Variants in ANXA4 observed in about 807,000 individuals in gnomAD.
ANXA4 encodes 35-beta calcimedin.
In ANXA4, 39 loss-of-function variants were observed where a neutral mutation model predicts 49.8. That is an observed-to-expected ratio of 0.78 (90% CI 0.61 to 1.02). The LOEUF (loss-of-function observed/expected upper bound fraction) is 1.02. Ranked by LOEUF, ANXA4 falls within the 50% of genes least tolerant of loss-of-function variation. The pLI is 0.00. For synonymous variants in ANXA4, 134 were observed against 152.5 expected, an observed-to-expected ratio of 0.88 and a Z score of 0.89; for missense variants, 360 against 410.1, an observed-to-expected ratio of 0.88 and a Z score of 1.05.
intron 3 of ANXA4, among the ~76,000 whole-genome samples, chr2:69,731,113 G>C (rs544383806): frequency 6.6e-6 from 1 of 152,284 alleles, no homozygotes; most frequent in South Asian, 2.1e-4. Context: ...TGTCTACCAG[G>C]ATGCAGAAGG....
At chr2:69,806,254 C>T in intron 4 of ANXA4, 131 bp from the exon 5 acceptor site, 2 of 629,600 alleles carry the variant, frequency 3.2e-6, no homozygotes, top group East Asian at 2.8e-5. Context: ...GAGTGTTATT[C>T]TGAGGATAGT....
intron 2 of ANXA4, among the ~76,000 whole-genome samples, chr2:69,785,307 G>T (rs1325385731): frequency 1.3e-5 from 2 of 152,144 alleles, no homozygotes; most frequent in Admixed American, 1.3e-4. Flanking sequence ...GCTCACCAGA[G>T]AACTGTGCTA....
intron 2 of ANXA4, among the ~76,000 whole-genome samples, chr2:69,664,317 G>A (rs1166301827): frequency 6.6e-6 from 1 of 152,082 alleles, no homozygotes; most frequent in Non-Finnish European, 1.5e-5. Context: ...CCAAAATAAG[G>A]ACATAAATCA....
At chr2:69,818,323 C>G in intron 9 of ANXA4, 1 of 222,872 alleles carries the variant, frequency 4.5e-6, no homozygotes, top group Non-Finnish European at 8.8e-6. Context: ...GCAAAGCTCC[C>G]CAGAGGCCAT....
intron 6 of ANXA4, chr2:69,810,185 C>G (rs944450550): frequency 1.7e-5 from 3 of 173,174 alleles, no homozygotes; most frequent in Non-Finnish European, 3.7e-5. Flanking sequence ...ATGACAGAAC[C>G]CTGTCTGTAC....
chr2:69,681,366 A>AT (rs35246948), intron 2 of ANXA4, among the ~76,000 whole-genome samples: 62,721 of 139,176 alleles, frequency 0.45, 15,165 homozygotes, highest in African/African-American at 0.67. Flanking sequence ...TTCATTTCTG[A>AT]TTTTTTTTTT....
chr2:69,646,502 C>G (rs919379890), intron 1 of ANXA4, among the ~76,000 whole-genome samples: 2 of 152,030 alleles, frequency 1.3e-5, no homozygotes, highest in African/African-American at 4.8e-5. Flanking sequence ...TTTGAAGTAT[C>G]CTAGATGAAT....
At chr2:69,738,580 C>T (rs1182263070), upstream of ANXA4, among the ~76,000 whole-genome samples, 3 of 151,964 alleles carry the variant, frequency 2.0e-5, no homozygotes, top group Non-Finnish European at 4.4e-5. Context: ...GCCCTAGTGA[C>T]TGGCATGATT....
chr2:69,691,313 G>A (rs1677956886), intron 2 of ANXA4, among the ~76,000 whole-genome samples: 4 of 151,760 alleles, frequency 2.6e-5, no homozygotes, highest in South Asian at 4.2e-4. Context: ...TAGTAGAGAC[G>A]GGGTTTCACC....
Position 69,806,480 on chromosome 2 carries a change from G to A in ANXA4, c.288G>A (p.Glu96=). ...MTPTVLYDVQ[E]LRRAMKGAGT... ...CCACGGTGCTGTATGACGTGCAAGA[G>A]CTGCGAAGGGCCATGAAGGTCTGTG... The change falls in exon 5 of 13, where the codon GAG becomes GAA. Residue 96 remains glutamate (E), a synonymous_variant. Coordinates refer to ENST00000394295, the MANE Select transcript of ANXA4 (RefSeq NM_001153.5). The A allele has an allele frequency of 1.9e-6, 3 of 1,614,020 alleles. No homozygotes were observed. Among genetic ancestry groups the A allele is most frequent in the Non-Finnish European group, 2.5e-6 (3 of 1,179,908 alleles).
chr2:69,674,711 A>G (rs539159433), intron 2 of ANXA4, among the ~76,000 whole-genome samples: 187 of 152,278 alleles, frequency 1.2e-3, no homozygotes, highest in African/African-American at 4.4e-3. Flanking sequence ...AAGCTTGGGA[A>G]AAGTTTCCAC....
chr2:69,664,692 C>T (rs1676868834), intron 2 of ANXA4, among the ~76,000 whole-genome samples: 1 of 152,122 alleles, frequency 6.6e-6, no homozygotes, highest in African/African-American at 2.4e-5. Context: ...ATGTTCAATC[C>T]CATGTGCTCT....
chr2:69,714,271 A>G (rs1464809636), intron 2 of ANXA4, among the ~76,000 whole-genome samples: 1 of 151,218 alleles, frequency 6.6e-6, no homozygotes, highest in Non-Finnish European at 1.5e-5. Flanking sequence ...CCCCACCAGA[A>G]CCCCATGGAG....
intron 1 of ANXA4, among the ~76,000 whole-genome samples, chr2:69,752,726 G>A (rs1670897753): frequency 6.6e-6 from 1 of 152,142 alleles, no homozygotes; most frequent in South Asian, 2.1e-4. Flanking sequence ...CACATACTCG[G>A]CCCTTGCTAG....
intron 2 of ANXA4, among the ~76,000 whole-genome samples, chr2:69,661,205 TAAAG>T (rs1676703858): frequency 1.3e-5 from 1 of 76,358 alleles, no homozygotes; most frequent in South Asian, 3.3e-4. Context: ...TAAGATGAAA[TAAAG>T]GAAGCTTCAG....
chr2:69,726,469 T>G (rs1669965150), intron 3 of ANXA4, among the ~76,000 whole-genome samples: 1 of 152,260 alleles, frequency 6.6e-6, no homozygotes, highest in Non-Finnish European at 1.5e-5. Context: ...GTGTCTTTAT[T>G]ACTATGCTAG....
chr2:69,814,775 TGTGTGTGTGTGTGTGTGTGAGA>T (rs1348542888), intron 8 of ANXA4: 18 of 99,014 alleles, frequency 1.8e-4, no homozygotes, highest in Admixed American at 3.5e-4. Flanking sequence ...TGTGTGTGTG[TGTGTGTGTGTGTGTGTGTGAGA>T]GAAAGAGAGA....
At chr2:69,799,570 TA>T (rs1673098695) in intron 3 of ANXA4, among the ~76,000 whole-genome samples, 1 of 152,216 alleles carries the variant, frequency 6.6e-6, no homozygotes, top group African/African-American at 2.4e-5. Context: ...CACTTTACCC[TA>T]AATGTCTACC....
intron 2 of ANXA4, among the ~76,000 whole-genome samples, chr2:69,687,848 C>A (rs1677843049): frequency 6.6e-6 from 1 of 152,230 alleles, no homozygotes; most frequent in South Asian, 2.1e-4. Context: ...CATCTACCTA[C>A]CATCCATTCC....
Sources: gnomAD v4.1 joint callset for allele counts (sites outside exome capture counted in the v4.1 genomes callset) on GRCh38, gnomAD v4.1.1 for gene constraint, MANE v1.5 for transcripts, NCBI Gene and HGNC (gene_info 2026-07-23, HGNC 2026-07-21) for gene names.